RAVER2: variants seen among roughly 807,000 people sequenced by gnomAD.
The protein encoded by RAVER2 is ribonucleoprotein PTB-binding 2.
RAVER2 carries 46 observed loss-of-function variants against 78.1 expected under a neutral mutation model. The ratio of observed to expected loss-of-function variants is 0.59; its 90% CI spans 0.46 to 0.75. The LOEUF (loss-of-function observed/expected upper bound fraction) is 0.75. Ranked by LOEUF, RAVER2 falls within the 30% of genes least tolerant of loss-of-function variation. The probability of loss-of-function intolerance (pLI) is 0.00; values close to 1 mark genes in which losing one functional copy is unlikely to be tolerated. For missense variants in RAVER2, 793 were observed against 837.5 expected (o/e 0.95, Z 0.66); for synonymous variants, 311 against 313.3 (o/e 0.99, Z 0.08).
chr1:64,831,203 A>T (rs1336138141), exon 12 of RAVER2: 2 of 383,552 alleles, frequency 5.2e-6, no homozygotes, highest in Non-Finnish European at 9.3e-6. Flanking sequence ...GATGCATCTT[A>T]ATCAGTGTGC....
At chr1:64,817,780 A>G (rs1311202077) in intron 11 of RAVER2, among the ~76,000 whole-genome samples, 1 of 151,896 alleles carries the variant, frequency 6.6e-6, no homozygotes, top group Non-Finnish European at 1.5e-5. Context: ...CAGGGATAGC[A>G]TTAGGAGATA....
In RAVER2 at chr1:64,766,606, T is replaced by C. The variant is rs575659983; in HGVS notation, c.250-2050T>C. 4.0e-4 allele frequency among the ~76,000 whole-genome samples: 61 copies of C among 152,304 alleles called. 1 individual carries two copies. Among genetic ancestry groups the C allele is most frequent in the African/African-American group, 1.4e-3 (58 of 41,588 alleles). On this transcript the variant is annotated intron_variant, in intron 1 of 11. Transcript: ENST00000294428. ...CTAAGTTGCAAAATGCACCTTTGAA[T>C]ACTTAAGCTCTCTTAGGTAATTCTC...
intron 11 of RAVER2, among the ~76,000 whole-genome samples, chr1:64,826,476 A>G (rs965359471): frequency 6.6e-6 from 1 of 152,214 alleles, no homozygotes; most frequent in Admixed American, 6.5e-5. Flanking sequence ...TGAGGCAGAA[A>G]CATGCTTGGT....
At chr1:64,746,515 C>T (rs1470443481) in intron 1 of RAVER2, among the ~76,000 whole-genome samples, 1 of 152,168 alleles carries the variant, frequency 6.6e-6, no homozygotes, top group East Asian at 1.9e-4. Flanking sequence ...TTGACAATTG[C>T]ATGGCAGTTC....
At chr1:64,774,308 T>C (rs575508290) in intron 2 of RAVER2, among the ~76,000 whole-genome samples, 2 of 152,326 alleles carry the variant, frequency 1.3e-5, no homozygotes, top group South Asian at 4.1e-4. Context: ...TTTATGGTTT[T>C]AGGTCTTACG....
chr1:64,750,942 A>G (rs1651680713), intron 1 of RAVER2, among the ~76,000 whole-genome samples: 1 of 152,224 alleles, frequency 6.6e-6, no homozygotes, highest in South Asian at 2.1e-4. Context: ...AGGGAAATGT[A>G]CTTCTAGATT....
intron 5 of RAVER2, among the ~76,000 whole-genome samples, chr1:64,801,054 C>A (rs1281801472): frequency 1.3e-5 from 2 of 149,810 alleles, no homozygotes; most frequent in Non-Finnish European, 3.0e-5. Flanking sequence ...AGAACCTTTT[C>A]TGGACACTGT....
At chr1:64,773,343 C>A (rs1557588698) in intron 2 of RAVER2, among the ~76,000 whole-genome samples, 2 of 151,862 alleles carry the variant, frequency 1.3e-5, no homozygotes, top group South Asian at 4.2e-4. Flanking sequence ...CCCCGCTACA[C>A]CCCCCGACAG....
chr1:64,750,671 C>T (rs1009144724), intron 1 of RAVER2, among the ~76,000 whole-genome samples: 1 of 152,076 alleles, frequency 6.6e-6, no homozygotes, highest in Non-Finnish European at 1.5e-5. Flanking sequence ...ATTATTGCCT[C>T]TTTTTAAAAT....
intron 1 of RAVER2, among the ~76,000 whole-genome samples, chr1:64,750,006 G>T (rs1651653053): frequency 6.6e-6 from 1 of 152,098 alleles, no homozygotes; most frequent in African/African-American, 2.4e-5. Flanking sequence ...AAATCTTGAA[G>T]AGAGTCTCTT....
chr1:64,808,676 G>T (rs1166474119), intron 9 of RAVER2, among the ~76,000 whole-genome samples: 1 of 151,930 alleles, frequency 6.6e-6, no homozygotes, highest in Non-Finnish European at 1.5e-5. Context: ...TGGCCAGACT[G>T]GTCTCGAACT....
chr1:64,763,953 CA>C (rs1652100850), intron 1 of RAVER2, among the ~76,000 whole-genome samples: 1 of 151,110 alleles, frequency 6.6e-6, no homozygotes, highest in African/African-American at 2.4e-5. Flanking sequence ...CACACACACA[CA>C]CCCCTACCAT....
chr1:64,818,887 T>C (rs1653817955), intron 11 of RAVER2, among the ~76,000 whole-genome samples: 1 of 152,140 alleles, frequency 6.6e-6, no homozygotes, highest in Non-Finnish European at 1.5e-5. Context: ...CTAAACTGTG[T>C]TTGTCTGAGG....
At chr1:64,789,854 A>G (rs1409670896) in intron 5 of RAVER2, among the ~76,000 whole-genome samples, 2 of 152,178 alleles carry the variant, frequency 1.3e-5, no homozygotes, top group African/African-American at 2.4e-5. Flanking sequence ...CAAAGAATTA[A>G]TACTCTTCTA....
At chr1:64,795,997 A>G (rs1653085379) in intron 5 of RAVER2, among the ~76,000 whole-genome samples, 1 of 152,010 alleles carries the variant, frequency 6.6e-6, no homozygotes, top group South Asian at 2.1e-4. Flanking sequence ...GAATTTTAGC[A>G]TGATGGTTGC....
chr1:64,833,193 G>T, exon 12 of RAVER2: 1 of 200,586 alleles, frequency 5.0e-6, no homozygotes, highest in Non-Finnish European at 1.0e-5. Context: ...GAAATGCTTT[G>T]AAAATGAAAT....
chr1:64,745,127 C>T lies in RAVER2; in HGVS notation c.-46C>T, dbSNP rs1651483979. ...CTCCTCCCGCTTTCTCTCTCCGCTT[C>T]CCCTGGAGCCTCCGAGGAGTCCGCA... is the stretch of plus-strand genomic sequence containing the variant. On this transcript the variant is annotated 5_prime_UTR_variant, in exon 1 of 12. Coordinates refer to ENST00000294428, the Ensembl canonical transcript of RAVER2. This position sits in a 1 kb window ranked among gnomAD's most constrained non-coding sequence, Gnocchi z 4.3. 2.0e-6 allele frequency: 2 copies of T among 1,017,838 alleles called. No homozygotes were observed. Among genetic ancestry groups the T allele is most frequent in the Non-Finnish European group, 2.3e-6 (2 of 852,380 alleles). 63.1% of individuals were successfully genotyped at this position (1,017,838 alleles called of 1,614,324 possible). A position where few individuals can be genotyped will look rare whatever the true frequency, so the allele number is the denominator to read the frequency against.
At chr1:64,813,040 A>G (rs945234144) in intron 10 of RAVER2, among the ~76,000 whole-genome samples, 191 bp downstream of exon 10, 2 of 152,218 alleles carry the variant, frequency 1.3e-5, no homozygotes, top group Non-Finnish European at 2.9e-5. Context: ...TTTAAGGAAA[A>G]CATTACAACT....
Position 64,755,072 on chromosome 1 carries a change from T to G in RAVER2, c.249+9651T>G, listed in dbSNP as rs141463488. Among the ~76,000 whole-genome samples the G allele has an allele frequency of 3.9e-5, 6 of 152,326 alleles. No homozygotes were observed. In the South Asian group the frequency reaches 8.3e-4, roughly 21 times the overall value. On this transcript the variant is annotated intron_variant, in intron 1 of 11. Transcript: ENST00000294428. ...AGTGGATGCTCAACAAAGTAAATTT[T>G]TAAAGAGGTTTTCAAGAAGTTACAA...
Sources: gnomAD v4.1 joint callset for allele counts (sites outside exome capture counted in the v4.1 genomes callset) on GRCh38, gnomAD v4.1.1 for gene constraint, Gnocchi (gnomAD v3.1) non-coding constraint, MANE v1.5 for transcripts, NCBI Gene and HGNC (gene_info 2026-07-23, HGNC 2026-07-21) for gene names.